TTLL5: variants seen among roughly 807,000 people sequenced by gnomAD.
The protein encoded by TTLL5 is tubulin tyrosine ligase like 5, also known as tubulin polyglutamylase TTLL5.
TTLL5 carries 132 observed loss-of-function variants against 168.4 expected under a neutral mutation model. That is an observed-to-expected ratio of 0.78 (90% CI 0.68 to 0.91). The LOEUF is 0.91. Among genes scored for constraint, TTLL5 ranks in the 40% least tolerant of loss-of-function variants. The probability of loss-of-function intolerance (pLI) is 0.00; values close to 1 mark genes in which losing one functional copy is unlikely to be tolerated. For synonymous variants in TTLL5, 546 were observed against 558.6 expected (o/e 0.98, Z 0.32); for missense variants, 1,545 against 1,581.5 (o/e 0.98, Z 0.39).
chr14:75,879,929 C>A (rs1396700658), intron 29 of TTLL5, among the ~76,000 whole-genome samples: 4 of 152,330 alleles, frequency 2.6e-5, no homozygotes, highest in Non-Finnish European at 5.9e-5. Flanking sequence ...TTAAATGTTA[C>A]TGGAACTAGA....
intron 6 of TTLL5, among the ~76,000 whole-genome samples, chr14:75,692,869 T>A (rs996203755): frequency 6.6e-6 from 1 of 152,068 alleles, no homozygotes; most frequent in Non-Finnish European, 1.5e-5. Context: ...CCAGGTAGTG[T>A]GTTTTGCAGG....
At chr14:75,690,466 G>A (rs1180632735) in intron 6 of TTLL5, 144 bp downstream of exon 6, 11 of 1,081,306 alleles carry the variant, frequency 1.0e-5, no homozygotes, top group Non-Finnish European at 1.4e-5. Flanking sequence ...AGTTGCAGAG[G>A]TAACTTTAAA....
rs573577700 is a variant in TTLL5 at position 75,709,021 on chromosome 14, T to C, written c.740+1314T>C. On this transcript the variant is annotated intron_variant, in intron 9 of 31. Transcript: ENST00000298832. ...TTTTGAGAAACTTTATAAATTTGTG[T>C]TGGGCCACATTCAAAGCTGTCCTGG... is the stretch of plus-strand genomic sequence containing the variant. Among the ~76,000 whole-genome samples, 218 of 152,336 alleles carry C rather than the reference T, an allele frequency of 1.4e-3. 1 individual carries two copies. Among genetic ancestry groups the C allele is most frequent in the African/African-American group, 5.1e-3 (213 of 41,578 alleles).
intron 31 of TTLL5, among the ~76,000 whole-genome samples, chr14:75,925,420 G>A (rs1366580995): frequency 1.1e-4 from 3 of 28,238 alleles, no homozygotes; most frequent in East Asian, 1.5e-3. Flanking sequence ...CAGACGGGGC[G>A]GCGGGGCAGA....
At chr14:75,753,758 G>A (rs542901591) in intron 18 of TTLL5, among the ~76,000 whole-genome samples, 6 of 152,240 alleles carry the variant, frequency 3.9e-5, no homozygotes, top group African/African-American at 9.6e-5. Flanking sequence ...TTGGATTTAC[G>A]TAGAAGACAG....
At chr14:75,850,133 A>G (rs1301055873) in intron 28 of TTLL5, among the ~76,000 whole-genome samples, 1 of 151,842 alleles carries the variant, frequency 6.6e-6, no homozygotes, top group Non-Finnish European at 1.5e-5. Flanking sequence ...GGGGCCGGGC[A>G]CGGTGGCTCA....
At chr14:75,919,228 A>T (rs1231956028) in intron 31 of TTLL5, among the ~76,000 whole-genome samples, 1 of 149,956 alleles carries the variant, frequency 6.7e-6, no homozygotes, top group Non-Finnish European at 1.5e-5. Context: ...AAAAGGAAAA[A>T]GAAAAAGAAA....
At chr14:75,829,927 A>T (rs1566622286) in intron 28 of TTLL5, among the ~76,000 whole-genome samples, 2 of 152,200 alleles carry the variant, frequency 1.3e-5, no homozygotes, top group Admixed American at 6.5e-5. Flanking sequence ...TAGTTCATAT[A>T]AAAGCCTAGA....
intron 28 of TTLL5, among the ~76,000 whole-genome samples, chr14:75,824,442 T>A (rs764049290): frequency 3.9e-5 from 6 of 152,142 alleles, no homozygotes; most frequent in Non-Finnish European, 7.3e-5. Flanking sequence ...CTGTCCCGGA[T>A]GAACCTTGAG....
rs545601182 is a variant in TTLL5, at chr14:75,723,201, T to C, written c.1042+2498T>C. On this transcript the variant is annotated intron_variant, in intron 12 of 31. Transcript: ENST00000298832. The stretch of plus-strand genomic sequence containing the variant: ...AACTCCTGGGCCCAAAGGATCCACC[T>C]GCCTCAGCCTCCCGAGTAGCTAGGA... Among the ~76,000 whole-genome samples the C allele has an allele frequency of 6.6e-5, 10 of 152,290 alleles. No homozygotes were observed. The East Asian group carries it at 1.9e-3, about 29-fold the overall frequency.
At chr14:75,752,420 A>G (rs1329979140) in intron 17 of TTLL5, among the ~76,000 whole-genome samples, 1 of 152,234 alleles carries the variant, frequency 6.6e-6, no homozygotes, top group African/African-American at 2.4e-5. Flanking sequence ...TGGAAGAGAA[A>G]GTATTTGCCT....
chr14:75,766,799 A>T (rs1212405475), intron 20 of TTLL5, among the ~76,000 whole-genome samples: 2 of 152,174 alleles, frequency 1.3e-5, no homozygotes, highest in Non-Finnish European at 2.9e-5. Context: ...TCAGGCCTTG[A>T]CAGATGAGTA....
chr14:75,797,547 G>A (rs968106256), intron 27 of TTLL5, among the ~76,000 whole-genome samples: 1 of 152,014 alleles, frequency 6.6e-6, no homozygotes, highest in African/African-American at 2.4e-5. Flanking sequence ...GTTGGTTGTG[G>A]GTTTGTCATA....
chr14:75,766,962 G>A (rs572480427), intron 20 of TTLL5, among the ~76,000 whole-genome samples: 1 of 152,142 alleles, frequency 6.6e-6, no homozygotes, highest in African/African-American at 2.4e-5. Context: ...TCAGGAGTTC[G>A]AGACCAGCCT....
At chr14:75,926,993 C>T (rs10148942) in intron 31 of TTLL5, among the ~76,000 whole-genome samples, 3,750 of 152,124 alleles carry the variant, frequency 0.025, 159 homozygotes, top group African/African-American at 0.085. Context: ...TGGCGGGGGC[C>T]GAGAAATGGG....
intron 9 of TTLL5, chr14:75,711,474 G>A (rs1887072744): frequency 6.6e-6 from 1 of 152,120 alleles, no homozygotes. Flanking sequence ...TTTCTGAGAT[G>A]AAGCTAATAG....
intron 30 of TTLL5, among the ~76,000 whole-genome samples, chr14:75,893,342 T>TTG (rs1311435539): frequency 1.3e-5 from 2 of 152,088 alleles, no homozygotes; most frequent in African/African-American, 4.8e-5. Flanking sequence ...AACCAGAACA[T>TTG]TAAGCGTAGA....
intron 17 of TTLL5, among the ~76,000 whole-genome samples, chr14:75,751,565 G>A (rs953413859): frequency 6.6e-6 from 1 of 152,190 alleles, no homozygotes; most frequent in African/African-American, 2.4e-5. Flanking sequence ...CGCTCCTCAG[G>A]ACAGTGCATA....
intron 28 of TTLL5, among the ~76,000 whole-genome samples, chr14:75,862,317 G>T (rs569309478): frequency 6.6e-6 from 1 of 152,230 alleles, no homozygotes; most frequent in East Asian, 1.9e-4. Context: ...TATTAGTTTT[G>T]ATTTCAATTC....
Sources: allele counts gnomAD v4.1 joint callset (sites outside exome capture counted in the v4.1 genomes callset), GRCh38; gene constraint gnomAD v4.1.1; transcripts MANE v1.5; gene names NCBI Gene and HGNC (gene_info 2026-07-23, HGNC 2026-07-21).